Variants in CYP26C1 observed in about 807,000 individuals in gnomAD.
The protein encoded by CYP26C1 is cytochrome P450 26C1.
In CYP26C1, 41 loss-of-function variants were observed where a neutral mutation model predicts 39.1. The ratio of observed to expected loss-of-function variants is 1.05; its 90% CI spans 0.82 to 1.36. The LOEUF is 1.36. CYP26C1 is among the 40% of genes most tolerant of loss of function. The pLI, the probability that CYP26C1 is intolerant of heterozygous loss-of-function variation, is 0.00. For missense variants in CYP26C1, 833 were observed against 752.0 expected (o/e 1.11, Z -1.26); for synonymous variants, 362 against 350.8 (o/e 1.03, Z -0.36).
In CYP26C1 at chr10:93,068,988, T is replaced by C. The variant is rs898024991; in HGVS notation, c.*291T>C. On this transcript the variant is annotated 3_prime_UTR_variant, in exon 6 of 6. Transcript: ENST00000651965. Reference sequence around the variant, plus strand: ...AGCAGGAATGGAGGGAATAGATAGATCCCCACGAGGTGCTGCTTGGCTTCC... The same window carrying C: ...AGCAGGAATGGAGGGAATAGATAGACCCCCACGAGGTGCTGCTTGGCTTCC... The C allele has an allele frequency of 2.8e-6, 1 of 359,034 alleles. No individual in the cohort carries two copies. The allele number at this position is 359,034 out of a possible 1,614,324, so 22.2% of individuals were successfully genotyped here.
At chr10:93,065,821 G>A in intron 4 of CYP26C1, 135 bp from the exon 5 acceptor site, 1 of 772,820 alleles carries the variant, frequency 1.3e-6, no homozygotes, top group Non-Finnish European at 1.8e-6. Flanking sequence ...AGTCGCGGCG[G>A]TAATAGCACT....
At position 93,062,230 on chromosome 10, in the gene CYP26C1, G is replaced by T. The variant is rs991399729; in HGVS notation, c.425G>T (p.Arg142Leu). 8 of 1,522,950 alleles carry T rather than the reference G, an allele frequency of 5.3e-6. No homozygotes were observed. In the African/African-American group the frequency reaches 1.1e-4, roughly 21 times the overall value. The allele number at this position is 1,522,950 out of a possible 1,614,324, so 94.3% of individuals were successfully genotyped here. A position where few individuals can be genotyped will look rare whatever the true frequency, so the allele number is the denominator to read the frequency against. Residue 142 changes from arginine to leucine, a missense_variant, in exon 2 of 6, where the codon CGC becomes CTC. Coordinates refer to ENST00000651965, the MANE Select transcript of CYP26C1 (RefSeq NM_183374.3). ...GTCGGCGAGCCGCACCGGCGGCGGC[G>T]CAAGGTGAGTGGAAACGGGAATGGA... Reference protein sequence around the residue: ...GAVGEPHRRRRKVLARVFSRA... With the variant: ...GAVGEPHRRRLKVLARVFSRA...
rs541577582 is a variant in CYP26C1, at chr10:93,068,434, G to C, written c.1306G>C (p.Ala436Pro). 18 of 1,612,230 alleles carry C rather than the reference G, an allele frequency of 1.1e-5. No homozygotes were observed. Among genetic ancestry groups the C allele is most frequent in the Non-Finnish European group, 1.4e-5 (17 of 1,179,600 alleles). Residue 436 changes from alanine to proline, a missense_variant, in exon 6 of 6, where the codon GCG (alanine) becomes CCG (proline). Ala to Pro is a conservative substitution (Grantham distance 27). Transcript: ENST00000651965. The stretch of plus-strand genomic sequence containing the variant: ...CTTCGATCCAGAGCGCTTCGGCGCA[G>C]CGCGCGAAGATTCCCGGGGCGCCTC... ...EGFDPERFGA[A>P]REDSRGASSR...
chr10:93,062,327 C>T (rs1384533921), intron 2 of CYP26C1, 93 bp downstream of exon 2: 22 of 1,311,092 alleles, frequency 1.7e-5, no homozygotes, highest in East Asian at 5.1e-5. Context: ...GTTGGATACA[C>T]TGTGAACCCG....
rs1001946936 is a variant in CYP26C1, at chr10:93,066,050, T to C, written c.956T>C (p.Ile319Thr). ...CTGCTACTGCAGCATCCGGCGGCCA[T>C]CGCCAAGATTCGGGAGGAGCTGGTG... Reference protein sequence around the residue: ...VLLLLQHPAAIAKIREELVAQ... With the variant: ...VLLLLQHPAATAKIREELVAQ... Residue 319 changes from isoleucine to threonine, a missense_variant, in exon 5 of 6, where the codon ATC becomes ACC. Ile to Thr is a moderately conservative substitution (Grantham distance 89, BLOSUM62 -1). Transcript: ENST00000651965. 3.3e-6 allele frequency: 5 copies of C among 1,522,834 alleles called. No individual in the cohort carries two copies. The African/African-American group carries it at 5.7e-5, about 17-fold the overall frequency. 94.3% of individuals were successfully genotyped at this position (1,522,834 alleles called of 1,614,324 possible).
chr10:93,067,305 A>T (rs1846841163), intron 5 of CYP26C1, among the ~76,000 whole-genome samples: 2 of 152,202 alleles, frequency 1.3e-5, no homozygotes, highest in Non-Finnish European at 1.5e-5. Context: ...ACATTCTGAG[A>T]GCTGGAGTTT....
intron 3 of CYP26C1, chr10:93,063,321 C>T: frequency 9.0e-7 from 1 of 1,111,132 alleles, no homozygotes; most frequent in Non-Finnish European, 1.1e-6. Context: ...CGGTCGGACT[C>T]CTTCCCACAG....
intron 2 of CYP26C1, 54 bp from the exon 3 acceptor site, chr10:93,062,666 G>C: frequency 1.5e-6 from 2 of 1,361,080 alleles, no homozygotes; most frequent in Non-Finnish European, 1.9e-6. Flanking sequence ...CTCCGGAATC[G>C]CCAAGCAGAT....
intron 2 of CYP26C1, among the ~76,000 whole-genome samples, 190 bp downstream of exon 2, chr10:93,062,424 ATTCT>A (rs1369681836): frequency 1.3e-5 from 2 of 152,330 alleles, no homozygotes; most frequent in South Asian, 2.1e-4. Context: ...GCGCTAAAAG[ATTCT>A]TTCATCTCCC....
At position 93,062,296 on chromosome 10, in the gene CYP26C1, G is replaced by C. The variant is rs903061796; in HGVS notation, c.429+62G>C. On this transcript the variant is annotated intron_variant, in intron 2 of 5. Coordinates refer to ENST00000651965, the MANE Select transcript of CYP26C1 (RefSeq NM_183374.3). Reference sequence around the variant, plus strand: ...ATCCGCGGTCCCCGGCATCTGCCATGGGCCAGGCCGGGGCCCCGGTGTTGG... The same window carrying C: ...ATCCGCGGTCCCCGGCATCTGCCATCGGCCAGGCCGGGGCCCCGGTGTTGG... 2.1e-6 allele frequency: 3 copies of C among 1,453,490 alleles called. No homozygotes were observed. The African/African-American group carries it at 4.2e-5, about 20-fold the overall frequency. 90.0% of individuals were successfully genotyped at this position (1,453,490 alleles called of 1,614,324 possible).
chr10:93,063,041 C>T (rs752760887), intron 3 of CYP26C1, 46 bp downstream of exon 3: 3 of 1,511,814 alleles, frequency 2.0e-6, no homozygotes, highest in Non-Finnish European at 2.6e-6. Context: ...CTCCGCGGCG[C>T]GGGCGGGCCT....
At position 93,062,933 on chromosome 10, in the gene CYP26C1, G is replaced by C. The variant is rs2134411850; in HGVS notation, c.643G>C (p.Glu215Gln). 1 of 1,604,494 alleles carries C rather than the reference G, an allele frequency of 6.2e-7. No homozygotes were observed. Among genetic ancestry groups the C allele is most frequent in the Non-Finnish European group, 8.5e-7 (1 of 1,178,262 alleles). ...AQCATLARTF[E>Q]QLVENLFSLP... ...GTGCGCCACGCTGGCCCGGACCTTC[G>C]AGCAGCTCGTGGAGAACCTCTTCTC... The change falls in exon 3 of 6, where the codon GAG becomes CAG. Residue 215 changes from glutamate to glutamine, a missense_variant. Transcript: ENST00000651965.
chr10:93,066,934 G>T (rs143476925), intron 5 of CYP26C1, among the ~76,000 whole-genome samples: 5 of 152,362 alleles, frequency 3.3e-5, no homozygotes, highest in Non-Finnish European at 7.3e-5. Context: ...GTCCTTTCCA[G>T]CTCTGACACT....
intron 5 of CYP26C1, 132 bp downstream of exon 5, chr10:93,066,417 T>C: frequency 2.3e-6 from 2 of 880,528 alleles, no homozygotes; most frequent in Non-Finnish European, 3.0e-6. Flanking sequence ...TCACCTCTTT[T>C]GCCCTCAGAG....
chr10:93,061,609 T>G (rs1387064534), intron 1 of CYP26C1, 142 bp downstream of exon 1: 2 of 1,041,854 alleles, frequency 1.9e-6, no homozygotes, highest in Admixed American at 6.2e-5. Flanking sequence ...CGCACAACTC[T>G]CGCCTTTACC....
At position 93,062,933 on chromosome 10, in the gene CYP26C1, G is replaced by A; in HGVS notation, c.643G>A (p.Glu215Lys). The A allele has an allele frequency of 1.2e-6, 2 of 1,604,496 alleles. No homozygotes were observed. The highest frequency in any genetic ancestry group is 1.1e-5 in the South Asian group (1 of 90,476). ...GTGCGCCACGCTGGCCCGGACCTTC[G>A]AGCAGCTCGTGGAGAACCTCTTCTC... The part of the protein sequence containing the change: ...AQCATLARTF[E>K]QLVENLFSLP... The change falls in exon 3 of 6, where the codon GAG becomes AAG. Residue 215 changes from glutamate to lysine, a missense_variant. By Grantham distance (56) the Glu-to-Lys change is moderately conservative (BLOSUM62 1). Transcript: ENST00000651965.
At chr10:93,063,414 GAGCCCCGGTCCAGCCCAGCGCC>G in intron 3 of CYP26C1, 1 of 997,338 alleles carries the variant, frequency 1.0e-6, no homozygotes, top group Non-Finnish European at 1.2e-6. Flanking sequence ...GGCTGCAGAT[GAGCCCCGGTCCAGCCCAGCGCC>G]AGCCCCGGAC....
chr10:93,062,367 C>T (rs1846763100), intron 2 of CYP26C1, 133 bp downstream of exon 2: 2 of 930,838 alleles, frequency 2.1e-6, no homozygotes, highest in Admixed American at 2.9e-5. Flanking sequence ...AGCGGGTGGC[C>T]TTGGGCGGGT....
rs1187890588 is a variant in CYP26C1, at chr10:93,068,724, G to A, written c.*27G>A. The stretch of plus-strand genomic sequence containing the variant: ...ATGCTTGCGCTCTAGGACACGGCTT[G>A]GCCGGTGGCTATGGCGCGCACGCAG... On this transcript the variant is annotated 3_prime_UTR_variant, in exon 6 of 6. Coordinates refer to ENST00000651965, the MANE Select transcript of CYP26C1 (RefSeq NM_183374.3). 2 of 1,482,404 alleles carry A rather than the reference G, an allele frequency of 1.3e-6. No individual in the cohort carries two copies. The highest frequency in any genetic ancestry group is 2.9e-5 in the African/African-American group (2 of 69,938). The allele number at this position is 1,482,404 out of a possible 1,614,324, so 91.8% of individuals were successfully genotyped here.
Sources: gnomAD v4.1 joint callset for allele counts (sites outside exome capture counted in the v4.1 genomes callset) on GRCh38, gnomAD v4.1.1 for gene constraint, MANE v1.5 for transcripts, NCBI Gene and HGNC (gene_info 2026-07-23, HGNC 2026-07-21) for gene names.